EMCN: variants seen among roughly 807,000 people sequenced by gnomAD.
The protein encoded by EMCN is endomucin.
In EMCN, 37 loss-of-function variants were observed where a neutral mutation model predicts 38.4. The ratio of observed to expected loss-of-function variants is 0.96; its 90% CI spans 0.74 to 1.27. The LOEUF is 1.27. EMCN is among the 50% of genes most tolerant of loss of function. EMCN has a pLI of 0.00. For synonymous variants in EMCN, 95 were observed against 100.8 expected (o/e 0.94, Z 0.35); for missense variants, 318 against 302.8 (o/e 1.05, Z -0.37).
At chr4:100,448,725 G>GT (rs1309880919) in intron 4 of EMCN, among the ~76,000 whole-genome samples, 2 of 152,096 alleles carry the variant, frequency 1.3e-5, no homozygotes, top group Non-Finnish European at 2.9e-5. Flanking sequence ...TTCAGACCCT[G>GT]TTTCGTTGTA....
intron 2 of EMCN, among the ~76,000 whole-genome samples, chr4:100,476,185 C>A (rs1209356507): frequency 7.1e-6 from 1 of 140,030 alleles, no homozygotes; most frequent in African/African-American, 2.8e-5. Context: ...CTCCCTCCCT[C>A]CCTTCTTCCT....
intron 1 of EMCN, among the ~76,000 whole-genome samples, chr4:100,485,429 C>T (rs557133758): frequency 1.2e-3 from 178 of 152,048 alleles, no homozygotes; most frequent in African/African-American, 4.1e-3. Flanking sequence ...AATGGCAATG[C>T]ATAAATTGGG....
At chr4:100,459,234 C>T (rs1728107214) in intron 4 of EMCN, among the ~76,000 whole-genome samples, 1 of 131,932 alleles carries the variant, frequency 7.6e-6, no homozygotes, top group Non-Finnish European at 1.6e-5. Flanking sequence ...TCTCTCATCT[C>T]TAGAGAGAGA....
rs542202990 is a variant in EMCN at position 100,506,113 on chromosome 4, T to C, written c.64+11738A>G. Among the ~76,000 whole-genome samples, 24 of 152,314 alleles carry C rather than the reference T, an allele frequency of 1.6e-4. No individual in the cohort carries two copies. In the South Asian group the frequency reaches 3.3e-3, roughly 21 times the overall value. On this transcript the variant is annotated intron_variant, in intron 1 of 11. Coordinates refer to ENST00000296420, the MANE Select transcript of EMCN (RefSeq NM_016242.4). ...ATGTTTTTTAAATCATTTTCTAAGTTTTATGCTTTCCTAAGACTATGAAAC... is the reference window on the plus strand; with the variant it reads ...ATGTTTTTTAAATCATTTTCTAAGTCTTATGCTTTCCTAAGACTATGAAAC...
At chr4:100,473,382 T>TTTTTTTTTTTTTTTTTTTTTTA (rs1728545619) in intron 3 of EMCN, among the ~76,000 whole-genome samples, 1 of 119,820 alleles carries the variant, frequency 8.3e-6, no homozygotes, top group Non-Finnish European at 1.7e-5. Context: ...TGTTTTTTTT[T>TTTTTTTTTTTTTTTTTTTTTTA]TTTGTTTTTT....
intron 4 of EMCN, among the ~76,000 whole-genome samples, chr4:100,452,304 C>A (rs770312260): frequency 1.3e-4 from 20 of 151,904 alleles, no homozygotes; most frequent in Non-Finnish European, 2.8e-4. Flanking sequence ...TAAATGTTAT[C>A]AATTCCTACT....
intron 8 of EMCN, among the ~76,000 whole-genome samples, chr4:100,417,611 C>T (rs1280564988): frequency 2.0e-5 from 3 of 152,138 alleles, no homozygotes; most frequent in Non-Finnish European, 4.4e-5. Context: ...GATACTATAT[C>T]TAATTGTATC....
At chr4:100,422,942 CT>C in intron 7 of EMCN, 78 bp downstream of exon 7, 1 of 1,403,342 alleles carries the variant, frequency 7.1e-7, no homozygotes, top group Non-Finnish European at 1.0e-6. Flanking sequence ...TGCCCATAAT[CT>C]GATTCCTCTC....
At chr4:100,438,877 A>G (rs1727428324) in intron 5 of EMCN, among the ~76,000 whole-genome samples, 1 of 151,898 alleles carries the variant, frequency 6.6e-6, no homozygotes. Context: ...TTAATGTCAT[A>G]TATTACTTTG....
At chr4:100,514,229 T>A (rs1729698398) in intron 1 of EMCN, among the ~76,000 whole-genome samples, 1 of 151,996 alleles carries the variant, frequency 6.6e-6, no homozygotes, top group Non-Finnish European at 1.5e-5. Context: ...ATACCATTTT[T>A]CTCACTAAAC....
intron 1 of EMCN, among the ~76,000 whole-genome samples, chr4:100,494,098 A>G (rs1297376942): frequency 6.6e-6 from 1 of 152,200 alleles, no homozygotes; most frequent in Non-Finnish European, 1.5e-5. Flanking sequence ...TCTGAACCAC[A>G]TGCTCAGCAA....
intron 1 of EMCN, among the ~76,000 whole-genome samples, chr4:100,516,293 T>C (rs1729754195): frequency 1.3e-5 from 2 of 152,120 alleles, no homozygotes; most frequent in African/African-American, 4.8e-5. Context: ...GCTACTTCTA[T>C]TGATGCTATT....
At chr4:100,483,841 T>C (rs1043408832) in intron 1 of EMCN, among the ~76,000 whole-genome samples, 1 of 152,156 alleles carries the variant, frequency 6.6e-6, no homozygotes, top group African/African-American at 2.4e-5. Context: ...TTGAGAGGAA[T>C]AGCTTATTCT....
At chr4:100,500,949 C>A (rs964200032) in intron 1 of EMCN, among the ~76,000 whole-genome samples, 2 of 151,372 alleles carry the variant, frequency 1.3e-5, no homozygotes, top group Non-Finnish European at 3.0e-5. Flanking sequence ...AGTTTTTTTT[C>A]TATATTAAGA....
intron 4 of EMCN, among the ~76,000 whole-genome samples, chr4:100,454,671 G>T (rs763420471): frequency 2.0e-5 from 3 of 152,108 alleles, no homozygotes; most frequent in Admixed American, 6.6e-5. Flanking sequence ...TTTTTCTGCG[G>T]AATGTGTTTT....
chr4:100,496,614 A>G (rs1346459873), intron 1 of EMCN, among the ~76,000 whole-genome samples: 1 of 152,222 alleles, frequency 6.6e-6, no homozygotes, highest in Non-Finnish European at 1.5e-5. Flanking sequence ...ATGTGAAAAA[A>G]GTAATTCAGC....
chr4:100,403,844 A>T (rs991075119), intron 11 of EMCN, among the ~76,000 whole-genome samples: 3 of 152,050 alleles, frequency 2.0e-5, no homozygotes, highest in Non-Finnish European at 2.9e-5. Flanking sequence ...GCACTTTTGC[A>T]TATGCTTGTT....
Position 100,437,462 on chromosome 4 carries a change from A to AAG in EMCN, c.415+10070_415+10071insCT, listed in dbSNP as rs200791069. Among the ~76,000 whole-genome samples the AAG allele has an allele frequency of 6.6e-5, 10 of 151,236 alleles. No homozygotes were observed. In the East Asian group the frequency reaches 1.9e-3, roughly 29 times the overall value. ...TGGCCTGAGCTTTTGGTCTGATATA[A>AAG]AAAAAAAATCATTTCTGAGGCCAAT... On this transcript the variant is annotated intron_variant, in intron 5 of 11. Transcript: ENST00000296420.
intron 2 of EMCN, among the ~76,000 whole-genome samples, chr4:100,479,308 A>AT (rs1425170352): frequency 2.0e-5 from 3 of 151,880 alleles, no homozygotes; most frequent in Non-Finnish European, 2.9e-5. Flanking sequence ...GATATGCCTT[A>AT]TTTTTTGTGT....
Sources: allele counts gnomAD v4.1 joint callset (sites outside exome capture counted in the v4.1 genomes callset), GRCh38; gene constraint gnomAD v4.1.1; transcripts MANE v1.5; gene names NCBI Gene and HGNC (gene_info 2026-07-23, HGNC 2026-07-21).